Variants in NACC2 observed in about 807,000 individuals in gnomAD.
NACC2 encodes the protein NACC family member 2, also known as nucleus accumbens-associated protein 2.
Under a neutral mutation model 25.1 loss-of-function variants are expected in NACC2, and 8 were observed. The observed-to-expected ratio is 0.32, with a 90% CI of 0.19 to 0.57. The LOEUF is 0.57. Among genes scored for constraint, NACC2 ranks in the 20% least tolerant of loss-of-function variants. NACC2 has a pLI of 0.89. For synonymous variants in NACC2, 435 were observed against 294.7 expected (o/e 1.48, Z -4.88); for missense variants, 644 against 650.2 (o/e 0.99, Z 0.10).
At chr9:136,034,946 T>C (rs1840530430) in intron 2 of NACC2, among the ~76,000 whole-genome samples, 1 of 151,968 alleles carries the variant, frequency 6.6e-6, no homozygotes, top group African/African-American at 2.4e-5. Flanking sequence ...ATACAAAAAT[T>C]AGCCGGGCAT....
intron 2 of NACC2, among the ~76,000 whole-genome samples, chr9:136,048,009 T>C (rs1269248036): frequency 6.6e-6 from 1 of 152,186 alleles, no homozygotes; most frequent in Non-Finnish European, 1.5e-5. Context: ...TTGGATACGA[T>C]GGGTCTGTTT....
intron 1 of NACC2, among the ~76,000 whole-genome samples, chr9:136,082,967 G>A (rs562816907): frequency 6.6e-6 from 1 of 152,340 alleles, no homozygotes; most frequent in African/African-American, 2.4e-5. Flanking sequence ...TCAGGGCGAG[G>A]GGGAAGACGC....
At position 136,013,195 on chromosome 9, in the gene NACC2, T is replaced by C. The variant is rs1840140885; in HGVS notation, c.1255+4A>G. ...ACCCACCCGAGAGACCCCCAGGCTCTTACATTTCACAGCGTTCAGGACCCG... is the reference window on the plus strand; with the variant it reads ...ACCCACCCGAGAGACCCCCAGGCTCCTACATTTCACAGCGTTCAGGACCCG... On this transcript the variant is annotated splice_donor_region_variant and intron_variant, in intron 5 of 5. Coordinates refer to ENST00000277554, the MANE Select transcript of NACC2 (RefSeq NM_144653.5). This position sits in a 1 kb window ranked among gnomAD's most constrained non-coding sequence, Gnocchi z 6.6. 1.0e-6 allele frequency: 1 copy of C among 984,466 alleles called. No homozygotes were observed. Among genetic ancestry groups the C allele is most frequent in the Non-Finnish European group, 1.5e-6 (1 of 672,258 alleles). The allele number at this position is 984,466 out of a possible 1,614,324, so 61.0% of individuals were successfully genotyped here.
At chr9:136,051,840 G>A (rs1840845099) in intron 1 of NACC2, among the ~76,000 whole-genome samples, 1 of 152,040 alleles carries the variant, frequency 6.6e-6, no homozygotes, top group African/African-American at 2.4e-5. Context: ...CAAACGGAGC[G>A]GGAGCCCTGG....
Position 136,084,223 on chromosome 9 carries a change from C to A in NACC2, c.-60+10966G>T, listed in dbSNP as rs377690198. 2.0e-5 allele frequency among the ~76,000 whole-genome samples: 3 copies of A among 152,126 alleles called. No individual in the cohort carries two copies. Among genetic ancestry groups the A allele is most frequent in the African/African-American group, 4.8e-5 (2 of 41,406 alleles). ...CTCACCAACCTGCAGCCTCCCCGCT[C>A]CCAGGTCAAAGACCTCCACACCCAG... On this transcript the variant is annotated intron_variant, in intron 1 of 5. Coordinates refer to ENST00000277554, the MANE Select transcript of NACC2 (RefSeq NM_144653.5). This position sits in a 1 kb window ranked among gnomAD's most constrained non-coding sequence, Gnocchi z 5.1.
intron 1 of NACC2, among the ~76,000 whole-genome samples, chr9:136,073,147 GC>G (rs1383966848): frequency 6.6e-6 from 1 of 152,136 alleles, no homozygotes; most frequent in African/African-American, 2.4e-5. Flanking sequence ...GAATTAATTG[GC>G]CGGGTATGGT....
rs1023576996 is a variant in NACC2 at position 136,050,213 on chromosome 9, C to T, written c.309G>A (p.Thr103=). 5.1e-4 allele frequency: 391 copies of T among 772,308 alleles called. 1 individual carries two copies. The highest frequency in any genetic ancestry group is 1.3e-3 in the Middle Eastern group (5 of 3,954). 47.8% of individuals were successfully genotyped at this position (772,308 alleles called of 1,614,324 possible). ...TASEQLVVMY[T]AGFLQIQHIV... is the part of the protein sequence containing the mutation. The stretch of plus-strand genomic sequence containing the variant: ...TGTGCTGGATCTGCAGGAAGCCGGC[C>T]GTGTACATGACCACGAGCTGCTCGC... The change falls in exon 2 of 6, where the codon ACG becomes ACA. Residue 103 remains threonine (T), a synonymous_variant. Transcript: ENST00000277554.
At chr9:136,036,244 A>G (rs911481633) in intron 2 of NACC2, among the ~76,000 whole-genome samples, 229 of 152,368 alleles carry the variant, frequency 1.5e-3, no homozygotes, top group African/African-American at 5.1e-3. Context: ...GAATGTGCCC[A>G]ACGTCATGAC....
rs117711787 is a variant in NACC2, at chr9:136,084,146, G to A, written c.-60+11043C>T. 5.8e-3 allele frequency among the ~76,000 whole-genome samples: 876 copies of A among 152,184 alleles called. 7 individuals carry two copies. The highest frequency in any genetic ancestry group is 9.7e-3 in the Non-Finnish European group (661 of 67,992). Reference sequence around the variant, plus strand: ...CTGAGGGACATGGATCCAGCCAGGAGGGGACCCGTCTTTCCAGGAGCAGTG... The same window carrying A: ...CTGAGGGACATGGATCCAGCCAGGAAGGGACCCGTCTTTCCAGGAGCAGTG... On this transcript the variant is annotated intron_variant, in intron 1 of 5. Coordinates refer to ENST00000277554, the MANE Select transcript of NACC2 (RefSeq NM_144653.5). This position sits in a 1 kb window ranked among gnomAD's most constrained non-coding sequence, Gnocchi z 5.1.
In NACC2 at chr9:136,069,096, C is replaced by T. The variant is rs1376421983; in HGVS notation, c.-59-18516G>A. ...TAATTTTTTGTATTTTTAGTAGAGA[C>T]GGGGTTTCACCAAGTTGGCCAGGCT... On this transcript the variant is annotated intron_variant, in intron 1 of 5. Coordinates refer to ENST00000277554, the MANE Select transcript of NACC2 (RefSeq NM_144653.5). Among the ~76,000 whole-genome samples the T allele has an allele frequency of 7.3e-5, 11 of 151,304 alleles. No homozygotes were observed. The East Asian group carries it at 1.2e-3, about 16-fold the overall frequency.
intron 1 of NACC2, among the ~76,000 whole-genome samples, chr9:136,087,663 A>G (rs1373002728): frequency 1.3e-5 from 2 of 152,354 alleles, no homozygotes; most frequent in East Asian, 1.9e-4. Flanking sequence ...CACAGCGGGA[A>G]AACTGAGACC....
intron 1 of NACC2, among the ~76,000 whole-genome samples, chr9:136,061,468 G>A (rs941822591): frequency 6.6e-6 from 1 of 152,220 alleles, no homozygotes; most frequent in Non-Finnish European, 1.5e-5. Flanking sequence ...CCATTGAGGG[G>A]CCCATGGCAT....
chr9:136,071,075 C>T (rs1164870123), intron 1 of NACC2, among the ~76,000 whole-genome samples: 6 of 151,018 alleles, frequency 4.0e-5, no homozygotes, highest in Admixed American at 4.0e-4. Context: ...CTAAAAAAAA[C>T]TTTAAAAATT....
At chr9:136,035,333 G>A (rs956189660) in intron 2 of NACC2, among the ~76,000 whole-genome samples, 2 of 151,694 alleles carry the variant, frequency 1.3e-5, no homozygotes, top group South Asian at 4.2e-4. Context: ...CTCCTGTGAC[G>A]CACTGAGAAG....
At chr9:136,052,371 CCAAA>C (rs983505434) in intron 1 of NACC2, among the ~76,000 whole-genome samples, 13 of 152,132 alleles carry the variant, frequency 8.5e-5, no homozygotes, top group Admixed American at 4.6e-4. Flanking sequence ...TTAAACTATT[CCAAA>C]CAGTCTGCAG....
At chr9:136,038,131 G>A (rs920857115) in intron 2 of NACC2, among the ~76,000 whole-genome samples, 1 of 152,194 alleles carries the variant, frequency 6.6e-6, no homozygotes, top group African/African-American at 2.4e-5. Context: ...AGCGGTGGCC[G>A]GGAGTCAGGG....
intron 2 of NACC2, among the ~76,000 whole-genome samples, chr9:136,047,688 T>G (rs1840751074): frequency 6.6e-6 from 1 of 152,120 alleles, no homozygotes; most frequent in South Asian, 2.1e-4. Flanking sequence ...CCAGAGCAGC[T>G]GCCTCCCGTC....
At chr9:136,091,994 T>A (rs1830438171) in intron 1 of NACC2, among the ~76,000 whole-genome samples, 1 of 151,926 alleles carries the variant, frequency 6.6e-6, no homozygotes, top group African/African-American at 2.4e-5. Flanking sequence ...CAGTCACATC[T>A]CCTCTGTGAC....
At chr9:136,085,400 T>G (rs568921855) in intron 1 of NACC2, among the ~76,000 whole-genome samples, 1 of 151,552 alleles carries the variant, frequency 6.6e-6, no homozygotes, top group Non-Finnish European at 1.5e-5. Context: ...ACACCTATAG[T>G]CCCAGCTACT....
Sources: allele counts gnomAD v4.1 joint callset (sites outside exome capture counted in the v4.1 genomes callset), GRCh38; gene constraint gnomAD v4.1.1; non-coding constraint Gnocchi (gnomAD v3.1); transcripts MANE v1.5; gene names NCBI Gene and HGNC (gene_info 2026-07-23, HGNC 2026-07-21).